The following AVEN variants were observed in gnomAD, a reference collection of about 807,000 sequenced individuals.
AVEN encodes cell death regulator Aven.
A neutral mutation model predicts 38.1 loss-of-function variants in AVEN; 41 were observed. That is an observed-to-expected ratio of 1.08 (90% CI 0.84 to 1.40). The LOEUF (loss-of-function observed/expected upper bound fraction) is 1.40. AVEN is among the 40% of genes most tolerant of loss of function. The pLI, the probability that AVEN is intolerant of heterozygous loss-of-function variation, is 0.00. For synonymous variants in AVEN, 206 were observed against 171.8 expected (o/e 1.20, Z -1.56); for missense variants, 605 against 438.8 (o/e 1.38, Z -3.38).
At chr15:33,889,679 G>A (rs975765187) in intron 2 of AVEN, among the ~76,000 whole-genome samples, 2 of 152,166 alleles carry the variant, frequency 1.3e-5, no homozygotes, top group Middle Eastern at 3.2e-3. Context: ...ATTCTACAGA[G>A]CTGTGATTTA....
At chr15:33,900,168 T>C (rs974844691) in intron 2 of AVEN, among the ~76,000 whole-genome samples, 1 of 152,134 alleles carries the variant, frequency 6.6e-6, no homozygotes, top group African/African-American at 2.4e-5. Flanking sequence ...GTTGTTCTAT[T>C]GGAAATGAGT....
At chr15:34,035,120 A>G (rs1333525194) in intron 1 of AVEN, among the ~76,000 whole-genome samples, 1 of 152,224 alleles carries the variant, frequency 6.6e-6, no homozygotes, top group Non-Finnish European at 1.5e-5. Flanking sequence ...GAAAATGTCA[A>G]CGCCATCGGG....
intron 2 of AVEN, among the ~76,000 whole-genome samples, chr15:33,881,882 T>C (rs1022573287): frequency 1.3e-5 from 2 of 152,164 alleles, no homozygotes; most frequent in African/African-American, 4.8e-5. Context: ...CTAAAAGGTA[T>C]AGAAGAAAAC....
chr15:33,911,835 T>C (rs1028207141), intron 2 of AVEN, among the ~76,000 whole-genome samples: 7 of 152,246 alleles, frequency 4.6e-5, no homozygotes, highest in Admixed American at 2.0e-4. Context: ...TAATGACTTA[T>C]ACCGTTCCTT....
downstream of AVEN, chr15:33,861,274 A>C: frequency 1.1e-6 from 1 of 876,356 alleles, no homozygotes; most frequent in Non-Finnish European, 1.8e-6. Flanking sequence ...AAGAGTAACC[A>C]GAAAGGAACT....
intron 1 of AVEN, among the ~76,000 whole-genome samples, chr15:34,034,168 T>C (rs1012409334): frequency 6.6e-6 from 1 of 152,156 alleles, no homozygotes; most frequent in Admixed American, 6.5e-5. Context: ...CAGAGCCAAG[T>C]GTGGTGACTC....
chr15:34,071,495 C>T (rs1043439976), intron 1 of AVEN, among the ~76,000 whole-genome samples: 10 of 152,108 alleles, frequency 6.6e-5, no homozygotes, highest in East Asian at 5.8e-4. Context: ...AGGATGGTCT[C>T]GAACTCCTGA....
intron 1 of AVEN, among the ~76,000 whole-genome samples, chr15:34,026,558 G>A (rs942913378): frequency 4.6e-5 from 7 of 152,026 alleles, no homozygotes; most frequent in African/African-American, 1.7e-4. Flanking sequence ...CACCCAGGAT[G>A]TAGTAAAAAA....
At chr15:34,053,445 T>A (rs1900019866) in intron 5 of AVEN, among the ~76,000 whole-genome samples, 1 of 150,534 alleles carries the variant, frequency 6.6e-6, no homozygotes, top group Admixed American at 6.6e-5. Flanking sequence ...AAGGCTACAG[T>A]AATCAAAACA....
rs559709718 is a variant in AVEN at position 33,878,844 on chromosome 15, G to A, written c.446-2849C>T. ...GATTGCTAATATATATGAAGTAAAT[G>A]ACAGATGTATGAATTTAAAATCTGA... On this transcript the variant is annotated intron_variant, in intron 2 of 5. Transcript: ENST00000306730. Among the ~76,000 whole-genome samples, 38 of 152,178 alleles carry A rather than the reference G, an allele frequency of 2.5e-4. 1 individual carries two copies. In the South Asian group the frequency reaches 7.1e-3, roughly 28 times the overall value.
At chr15:33,868,907 A>G (rs1328591370) in intron 4 of AVEN, among the ~76,000 whole-genome samples, 1 of 152,156 alleles carries the variant, frequency 6.6e-6, no homozygotes, top group Non-Finnish European at 1.5e-5. Context: ...AAAAGTTACA[A>G]ACTCCCCCGG....
chr15:34,002,421 T>C (rs1005637218), intron 2 of AVEN, among the ~76,000 whole-genome samples: 5 of 152,086 alleles, frequency 3.3e-5, no homozygotes, highest in African/African-American at 9.7e-5. Context: ...CAGCCATCTG[T>C]ACACCCAGCA....
intron 5 of AVEN, among the ~76,000 whole-genome samples, chr15:34,047,067 T>C (rs908485166): frequency 3.3e-5 from 4 of 120,432 alleles, no homozygotes; most frequent in African/African-American, 1.1e-4. Context: ...TTTGGTTTTT[T>C]TGTTGGTTTT....
chr15:33,863,626 C>T (rs1464743462), downstream of AVEN, among the ~76,000 whole-genome samples: 1 of 152,204 alleles, frequency 6.6e-6, no homozygotes, highest in African/African-American at 2.4e-5. Context: ...AGTGAAACTA[C>T]ACTGGCATTC....
At chr15:34,017,535 T>C (rs898557271) in intron 1 of AVEN, among the ~76,000 whole-genome samples, 1 of 142,106 alleles carries the variant, frequency 7.0e-6, no homozygotes, top group Non-Finnish European at 1.5e-5. Context: ...CAGGCCGGAG[T>C]GCAGTACTGC....
At chr15:33,860,077 G>T (rs1232570586) in intron 11 of AVEN, among the ~76,000 whole-genome samples, 2 of 151,978 alleles carry the variant, frequency 1.3e-5, no homozygotes, top group Non-Finnish European at 2.9e-5. Context: ...TAGGAGCAGA[G>T]GAGCTGGACA....
intron 2 of AVEN, among the ~76,000 whole-genome samples, chr15:33,925,936 TTTCTC>T (rs1893589037): frequency 6.6e-6 from 1 of 152,226 alleles, no homozygotes; most frequent in Non-Finnish European, 1.5e-5. Flanking sequence ...TTTAAGCTAT[TTTCTC>T]TTAATTATGC....
intron 5 of AVEN, among the ~76,000 whole-genome samples, chr15:34,056,667 GT>G (rs1567491613): frequency 6.6e-6 from 1 of 152,132 alleles, no homozygotes; most frequent in Non-Finnish European, 1.5e-5. Context: ...TCTCCTCAAG[GT>G]TGTTCTGCTT....
chr15:33,852,971 A>ATC, the AVEN span: 1 of 1,327,124 alleles, frequency 7.5e-7, no homozygotes, highest in Non-Finnish European at 1.1e-6. Context: ...CAGGCACTCA[A>ATC]ACTGAAACGT....
Sources: gnomAD v4.1 joint callset for allele counts (sites outside exome capture counted in the v4.1 genomes callset) on GRCh38, gnomAD v4.1.1 for gene constraint, MANE v1.5 for transcripts, NCBI Gene and HGNC (gene_info 2026-07-23, HGNC 2026-07-21) for gene names.